The following HS6ST3 variants were observed in gnomAD, a reference collection of about 807,000 sequenced individuals.
The protein encoded by HS6ST3 is heparan-sulfate 6-O-sulfotransferase 3.
Under a neutral mutation model 36.7 loss-of-function variants are expected in HS6ST3, and 12 were observed. The observed-to-expected ratio is 0.33, with a 90% CI of 0.21 to 0.53. HS6ST3 has a LOEUF of 0.53. HS6ST3 is among the 20% of genes least tolerant of loss of function. HS6ST3 has a pLI of 0.95. For synonymous variants in HS6ST3, 240 were observed against 257.5 expected (o/e 0.93, Z 0.65); for missense variants, 584 against 640.9 (o/e 0.91, Z 0.96).
At chr13:96,357,484 A>T (rs1479409981) in intron 1 of HS6ST3, among the ~76,000 whole-genome samples, 1 of 152,152 alleles carries the variant, frequency 6.6e-6, no homozygotes, top group East Asian at 1.9e-4. Context: ...TGTCTCAGGG[A>T]ATAGAGAGGC....
At chr13:96,507,071 C>A (rs1415374124) in intron 1 of HS6ST3, among the ~76,000 whole-genome samples, 1 of 152,082 alleles carries the variant, frequency 6.6e-6, no homozygotes, top group African/African-American at 2.4e-5. Flanking sequence ...GAAACATACA[C>A]AATGAATTAA....
intron 1 of HS6ST3, among the ~76,000 whole-genome samples, chr13:96,365,326 A>C (rs960709510): frequency 5.3e-5 from 8 of 152,200 alleles, no homozygotes; most frequent in African/African-American, 1.9e-4. Context: ...GGTGTGGTTT[A>C]ACTAAAAGCA....
At chr13:96,736,468 A>G (rs529590461) in intron 1 of HS6ST3, among the ~76,000 whole-genome samples, 3 of 152,348 alleles carry the variant, frequency 2.0e-5, no homozygotes, top group Non-Finnish European at 4.4e-5. Context: ...AAAATTCATT[A>G]TAAACATCAT....
intron 1 of HS6ST3, among the ~76,000 whole-genome samples, chr13:96,091,861 C>G (rs1036289472): frequency 1.3e-5 from 2 of 152,162 alleles, no homozygotes; most frequent in African/African-American, 2.4e-5. Flanking sequence ...CCTGGCCTCC[C>G]TCCCAGTGGA....
intron 1 of HS6ST3, among the ~76,000 whole-genome samples, chr13:96,748,782 AAAT>A (rs1486582500): frequency 6.6e-6 from 1 of 152,052 alleles, no homozygotes; most frequent in African/African-American, 2.4e-5. Flanking sequence ...TTTGTGAAGT[AAAT>A]AATAATAATT....
intron 1 of HS6ST3, among the ~76,000 whole-genome samples, chr13:96,238,039 G>T (rs980667524): frequency 6.6e-6 from 1 of 152,054 alleles, no homozygotes; most frequent in African/African-American, 2.4e-5. Context: ...TATCTTATGA[G>T]CTTCTCAAAC....
At position 96,363,713 on chromosome 13, in the gene HS6ST3, G is replaced by A. The variant is rs544117918; in HGVS notation, c.707+272144G>A. Among the ~76,000 whole-genome samples the A allele has an allele frequency of 6.6e-5, 10 of 152,202 alleles. 1 individual carries two copies. Among genetic ancestry groups the A allele is most frequent in the African/African-American group, 2.4e-4 (10 of 41,536 alleles). On this transcript the variant is annotated intron_variant, in intron 1 of 1. Transcript: ENST00000376705. ...GTTAAAAAAAATGGAAAAGTCAAAA[G>A]AGTAAGGTATTTTTTATAATGATAC...
intron 1 of HS6ST3, among the ~76,000 whole-genome samples, chr13:96,404,780 G>A (rs141454678): frequency 3.9e-4 from 60 of 152,298 alleles, no homozygotes; most frequent in African/African-American, 1.4e-3. Flanking sequence ...GAAATCCAAA[G>A]AAACGCAAGG....
chr13:96,200,548 C>T (rs2054336587), intron 1 of HS6ST3, among the ~76,000 whole-genome samples: 1 of 152,188 alleles, frequency 6.6e-6, no homozygotes. Context: ...CTTTCCTCTT[C>T]TCTCCCCAGA....
At chr13:96,245,035 C>G (rs1203756089) in intron 1 of HS6ST3, among the ~76,000 whole-genome samples, 1 of 152,212 alleles carries the variant, frequency 6.6e-6, no homozygotes, top group Non-Finnish European at 1.5e-5. Flanking sequence ...CAAAATTTTA[C>G]TTCGTAGCCT....
intron 1 of HS6ST3, among the ~76,000 whole-genome samples, chr13:96,205,629 C>A (rs764879645): frequency 6.6e-6 from 1 of 152,138 alleles, no homozygotes; most frequent in Non-Finnish European, 1.5e-5. Flanking sequence ...TTATCCACCA[C>A]GATCAAGTTG....
chr13:96,811,215 A>G (rs1405570109), intron 1 of HS6ST3, among the ~76,000 whole-genome samples: 1 of 152,200 alleles, frequency 6.6e-6, no homozygotes, highest in East Asian at 1.9e-4. Context: ...TCCACTTCGC[A>G]TGTTAGCTAA....
chr13:96,831,975 A>AAAAAAAAAAAAAAAAAAAAC (rs1566464310), intron 1 of HS6ST3, among the ~76,000 whole-genome samples: 4 of 148,630 alleles, frequency 2.7e-5, no homozygotes, highest in African/African-American at 1.0e-4. Context: ...AAAAAAAAAA[A>AAAAAAAAAAAAAAAAAAAAC]AAAAACAGAG....
intron 1 of HS6ST3, among the ~76,000 whole-genome samples, chr13:96,797,810 G>A (rs1220351017): frequency 2.6e-5 from 4 of 152,054 alleles, no homozygotes; most frequent in African/African-American, 7.2e-5. Flanking sequence ...CAGCAAGAAA[G>A]CCATCAATTC....
intron 1 of HS6ST3, among the ~76,000 whole-genome samples, chr13:96,430,465 C>T (rs1233587646): frequency 6.6e-6 from 1 of 152,198 alleles, no homozygotes; most frequent in East Asian, 1.9e-4. Flanking sequence ...GTCTGGCCCT[C>T]CATTCCGCTT....
At chr13:96,380,987 TG>T (rs2055337919) in intron 1 of HS6ST3, among the ~76,000 whole-genome samples, 1 of 152,170 alleles carries the variant, frequency 6.6e-6, no homozygotes, top group Non-Finnish European at 1.5e-5. Flanking sequence ...ATTCAAGAAG[TG>T]GTGTGGAGAT....
chr13:96,588,146 A>T lies in HS6ST3; in HGVS notation c.708-244344A>T, dbSNP rs115223143. 5.9e-3 allele frequency among the ~76,000 whole-genome samples: 882 copies of T among 148,780 alleles called. 5 individuals are homozygous for T. Among genetic ancestry groups the T allele is most frequent in the African/African-American group, 0.02 (834 of 40,736 alleles). ...TTGCTTATTATTTCTAACAGTTTTT[A>T]TGTGTATTGTGTGTGTGTAGAGTCT... On this transcript the variant is annotated intron_variant, in intron 1 of 1. Coordinates refer to ENST00000376705, the MANE Select transcript of HS6ST3 (RefSeq NM_153456.4).
chr13:96,415,421 A>C (rs1049509900), intron 1 of HS6ST3, among the ~76,000 whole-genome samples: 1 of 152,204 alleles, frequency 6.6e-6, no homozygotes, highest in Non-Finnish European at 1.5e-5. Context: ...CTAAGCTACG[A>C]CAATTTTCAT....
intron 1 of HS6ST3, among the ~76,000 whole-genome samples, chr13:96,199,701 A>G (rs1401025320): frequency 2.6e-5 from 4 of 152,214 alleles, no homozygotes; most frequent in African/African-American, 9.6e-5. Flanking sequence ...AAATTGTAAC[A>G]TACTTTATTT....
Sources: gnomAD v4.1 joint callset for allele counts (sites outside exome capture counted in the v4.1 genomes callset) on GRCh38, gnomAD v4.1.1 for gene constraint, MANE v1.5 for transcripts, NCBI Gene and HGNC (gene_info 2026-07-23, HGNC 2026-07-21) for gene names.